Variants in CNIH3 observed in about 807,000 individuals in gnomAD.
CNIH3 encodes cornichon family AMPA receptor auxiliary protein 3.
Under a neutral mutation model 24.1 loss-of-function variants are expected in CNIH3, and 14 were observed. That is an observed-to-expected ratio of 0.58 (90% CI 0.38 to 0.91). The LOEUF (loss-of-function observed/expected upper bound fraction) is 0.91. Among genes scored for constraint, CNIH3 ranks in the 40% least tolerant of loss-of-function variants. The pLI is 0.00. For missense variants in CNIH3, 178 were observed against 196.8 expected (o/e 0.90, Z 0.57); for synonymous variants, 68 against 73.8 (o/e 0.92, Z 0.40).
chr1:224,656,274 A>G (rs1685090743), intron 1 of CNIH3, among the ~76,000 whole-genome samples: 1 of 152,230 alleles, frequency 6.6e-6, no homozygotes, highest in Non-Finnish European at 1.5e-5. Context: ...TGATCTGTGT[A>G]CTTTTATTTT....
At chr1:224,442,212 T>C (rs1572246427) in intron 1 of CNIH3, among the ~76,000 whole-genome samples, 2 of 152,082 alleles carry the variant, frequency 1.3e-5, no homozygotes, top group African/African-American at 4.8e-5. Context: ...GGTCTCCCCA[T>C]GTTGCCCAGG....
intron 1 of CNIH3, among the ~76,000 whole-genome samples, chr1:224,462,495 G>A (rs549167082): frequency 6.6e-6 from 1 of 152,000 alleles, no homozygotes; most frequent in East Asian, 1.9e-4. Flanking sequence ...CACCACGCCT[G>A]GCTAATTTTT....
chr1:224,673,415 C>T (rs1685968602), intron 1 of CNIH3, among the ~76,000 whole-genome samples: 1 of 152,200 alleles, frequency 6.6e-6, no homozygotes. Flanking sequence ...TCTGGCTTCC[C>T]CTGTGCAGGC....
At chr1:224,624,866 A>G (rs114092071) in intron 1 of CNIH3, among the ~76,000 whole-genome samples, 112 of 152,270 alleles carry the variant, frequency 7.4e-4, no homozygotes, top group African/African-American at 2.2e-3. Flanking sequence ...CCTTCTTGCA[A>G]TTCCCAAATG....
intron 1 of CNIH3, chr1:224,661,110 T>C: frequency 1.1e-5 from 2 of 181,204 alleles, no homozygotes; most frequent in East Asian, 3.0e-4. Flanking sequence ...AAAACTGTTT[T>C]TGTTAATCCT....
intron 1 of CNIH3, among the ~76,000 whole-genome samples, chr1:224,470,858 G>A (rs547777708): frequency 2.8e-4 from 43 of 152,104 alleles, no homozygotes; most frequent in African/African-American, 1.0e-3. Flanking sequence ...TGGTGTACAC[G>A]AGCTATTTTG....
chr1:224,593,773 C>G (rs1681862865), intron 3 of CNIH3, among the ~76,000 whole-genome samples: 1 of 152,252 alleles, frequency 6.6e-6, no homozygotes, highest in South Asian at 2.1e-4. Flanking sequence ...AACACACACT[C>G]TATCCAGAGC....
chr1:224,453,394 C>T (rs111933895), intron 1 of CNIH3, among the ~76,000 whole-genome samples: 178 of 151,804 alleles, frequency 1.2e-3, no homozygotes, highest in African/African-American at 4.2e-3. Context: ...CACAGTGTTG[C>T]CCAGGCTGGT....
At chr1:224,478,312 G>A (rs1456147198) in intron 1 of CNIH3, among the ~76,000 whole-genome samples, 1 of 151,918 alleles carries the variant, frequency 6.6e-6, no homozygotes, top group Admixed American at 6.6e-5. Context: ...GCCCTTTTGA[G>A]GTTATTTTCT....
chr1:224,539,022 C>G (rs529672072), downstream of CNIH3, among the ~76,000 whole-genome samples: 1 of 152,162 alleles, frequency 6.6e-6, no homozygotes, highest in African/African-American at 2.4e-5. Flanking sequence ...CCATGTTTTC[C>G]TGCTCAGATT....
chr1:224,690,561 C>T (rs1196413656), intron 3 of CNIH3, among the ~76,000 whole-genome samples: 2 of 152,258 alleles, frequency 1.3e-5, no homozygotes, highest in African/African-American at 2.4e-5. Context: ...TGAGGCTGCC[C>T]AATGTTGGGG....
At chr1:224,660,843 T>C (rs1294179110) in intron 1 of CNIH3, among the ~76,000 whole-genome samples, 1 of 152,222 alleles carries the variant, frequency 6.6e-6, no homozygotes, top group Non-Finnish European at 1.5e-5. Flanking sequence ...TTTGCAGACG[T>C]GATGGAAAAG....
chr1:224,716,921 G>C (rs1032422944), intron 3 of CNIH3, among the ~76,000 whole-genome samples: 2 of 152,214 alleles, frequency 1.3e-5, no homozygotes, highest in African/African-American at 4.8e-5. Flanking sequence ...TCTGCCACTG[G>C]AGAAAGGGGA....
At chr1:224,574,595 C>T (rs1048532545) in intron 4 of CNIH3, 8 of 803,406 alleles carry the variant, frequency 1.0e-5, no homozygotes, top group African/African-American at 3.4e-5. Flanking sequence ...ATGAGAATGA[C>T]GTGGGGGTGG....
At position 224,732,805 on chromosome 1, in the gene CNIH3, G is replaced by A. The variant is rs571333013; in HGVS notation, c.312-1758G>A. 2.0e-4 allele frequency among the ~76,000 whole-genome samples: 31 copies of A among 152,302 alleles called. No individual in the cohort carries two copies. The South Asian group carries it at 5.2e-3, about 25-fold the overall frequency. ...GGAAAAGGAGAGGCAGCCAGTGTCC[G>A]TAGACTAGGAAAGTTGATCTCTATG... On this transcript the variant is annotated intron_variant, in intron 4 of 5. Coordinates refer to ENST00000272133, the MANE Select transcript of CNIH3 (RefSeq NM_152495.2).
chr1:224,655,900 G>A (rs930561399), intron 1 of CNIH3, among the ~76,000 whole-genome samples: 6 of 152,214 alleles, frequency 3.9e-5, no homozygotes, highest in African/African-American at 1.4e-4. Context: ...CATGAAGGTT[G>A]TGGGACTGGG....
chr1:224,660,308 G>A (rs1445974518), intron 1 of CNIH3, among the ~76,000 whole-genome samples: 1 of 152,104 alleles, frequency 6.6e-6, no homozygotes, highest in East Asian at 1.9e-4. Context: ...TCACTACCAC[G>A]AGAACAGTGT....
At chr1:224,653,885 C>T (rs879565687) in intron 1 of CNIH3, among the ~76,000 whole-genome samples, 11 of 152,026 alleles carry the variant, frequency 7.2e-5, no homozygotes, top group Non-Finnish European at 1.6e-4. Flanking sequence ...TTGAGACCAG[C>T]CTGGGCAATA....
At chr1:224,677,321 G>A (rs1304403356) in intron 1 of CNIH3, among the ~76,000 whole-genome samples, 5 of 152,188 alleles carry the variant, frequency 3.3e-5, no homozygotes, top group Non-Finnish European at 5.9e-5. Context: ...CTACATGGGG[G>A]TCTTCCCCTC....
Sources: gnomAD v4.1 joint callset for allele counts (sites outside exome capture counted in the v4.1 genomes callset) on GRCh38, gnomAD v4.1.1 for gene constraint, MANE v1.5 for transcripts, NCBI Gene and HGNC (gene_info 2026-07-23, HGNC 2026-07-21) for gene names.